POLR3A: variants seen among roughly 807,000 people sequenced by gnomAD.
POLR3A encodes RNA polymerase III subunit A.
In POLR3A, 112 loss-of-function variants were observed where a neutral mutation model predicts 152.8. That is an observed-to-expected ratio of 0.73 (90% CI 0.63 to 0.86). POLR3A has a LOEUF of 0.86. Among genes scored for constraint, POLR3A ranks in the 40% least tolerant of loss-of-function variants. The pLI, the probability that POLR3A is intolerant of heterozygous loss-of-function variation, is 0.00. For synonymous variants in POLR3A, 615 were observed against 652.1 expected (o/e 0.94, Z 0.87); for missense variants, 1,385 against 1,743.1 (o/e 0.79, Z 3.66).
chr10:77,977,241 C>T lies in POLR3A; in HGVS notation c.*237G>A. ...GGCCGTCTATAGATTAGGTTTCAAG[C>T]AAGCAAACAATAAAACCCTCAGCTC... On this transcript the variant is annotated 3_prime_UTR_variant, in exon 31 of 31. Transcript: ENST00000372371. 1 of 538,134 alleles carries T rather than the reference C, an allele frequency of 1.9e-6. No individual in the cohort carries two copies. Among genetic ancestry groups the T allele is most frequent in the Non-Finnish European group, 3.3e-6 (1 of 299,054 alleles). 33.3% of individuals were successfully genotyped at this position (538,134 alleles called of 1,614,324 possible).
rs765508123 is a variant in POLR3A, at chr10:78,002,220, G to T, written c.2336C>A (p.Thr779Asn). 6.3e-7 allele frequency: 1 copy of T among 1,594,942 alleles called. No homozygotes were observed. Among genetic ancestry groups the T allele is most frequent in the Admixed American group, 1.8e-5 (1 of 56,690 alleles). The change falls in exon 17 of 31, where the codon ACC (threonine) becomes AAC (asparagine). Residue 779 changes from threonine to asparagine, a missense_variant. By Grantham distance (65) the Thr-to-Asn change is moderately conservative. Transcript: ENST00000372371. ...RELDKSNSPLTMALCGSKGSF... is the reference protein window; with the variant it reads ...RELDKSNSPLNMALCGSKGSF... ...ACCTTTGGAGCCGCACAGAGCCATGGTGAGGGGGCTGTTGCTCTTGTCCAG... is the reference window on the plus strand; with the variant it reads ...ACCTTTGGAGCCGCACAGAGCCATGTTGAGGGGGCTGTTGCTCTTGTCCAG...
chr10:78,022,808 G>A (rs1847592784), intron 5 of POLR3A, among the ~76,000 whole-genome samples: 1 of 151,974 alleles, frequency 6.6e-6, no homozygotes, highest in African/African-American at 2.4e-5. Context: ...GCCATTGGGG[G>A]GAAAAAAAGA....
intron 29 of POLR3A, among the ~76,000 whole-genome samples, chr10:77,980,702 G>T (rs994228283): frequency 3.3e-5 from 5 of 152,142 alleles, no homozygotes; most frequent in Admixed American, 3.3e-4. Flanking sequence ...GAAACAAGAT[G>T]GAAAACATTT....
At chr10:77,980,949 G>GT (rs34957648) in intron 29 of POLR3A, among the ~76,000 whole-genome samples, 12 of 151,386 alleles carry the variant, frequency 7.9e-5, no homozygotes, top group African/African-American at 1.2e-4. Flanking sequence ...AGGGAAATAC[G>GT]TTTTTTTTGG....
Position 77,981,538 on chromosome 10 carries a change from C to A in POLR3A, c.3781G>T (p.Glu1261Ter), listed in dbSNP as rs371703979. 1.2e-6 allele frequency: 2 copies of A among 1,613,864 alleles called. No homozygotes were observed. Among genetic ancestry groups the A allele is most frequent in the Admixed American group, 3.3e-5 (2 of 59,986 alleles). ...TYEVEKTLGI[E>*]AARTTIINEI... ...TTGATGATCGTTGTCCGGGCGGCCT[C>A]GATGCCCAGAGTTTTCTCCACCTAC... The change falls in exon 29 of 31, where the codon GAG becomes TAG. Residue 1261 changes from glutamate to a stop codon, truncating the protein, a stop_gained. Coordinates refer to ENST00000372371, the MANE Select transcript of POLR3A (RefSeq NM_007055.4). LOFTEE classifies it high-confidence loss of function.
chr10:78,022,086 GA>G, intron 6 of POLR3A, 58 bp downstream of exon 6: 1 of 1,614,010 alleles, frequency 6.2e-7, no homozygotes, highest in Non-Finnish European at 8.5e-7. Flanking sequence ...ACATTTTCTT[GA>G]CCAGAAGTTT....
intron 15 of POLR3A, among the ~76,000 whole-genome samples, chr10:78,006,848 G>C (rs1847416485): frequency 6.6e-6 from 1 of 152,170 alleles, no homozygotes; most frequent in Non-Finnish European, 1.5e-5. Flanking sequence ...GCCAGGCATG[G>C]TAGCTAATGC....
At chr10:78,015,647 T>A (rs1035489618) in intron 10 of POLR3A, among the ~76,000 whole-genome samples, 1 of 151,928 alleles carries the variant, frequency 6.6e-6, no homozygotes, top group African/African-American at 2.4e-5. Flanking sequence ...ACAAAAAAAA[T>A]TTCTACTTCT....
Position 78,024,622 on chromosome 10 carries a change from G to C in POLR3A, c.572C>G (p.Ser191Ter). The change falls in exon 5 of 31, where the codon TCA (serine) becomes TGA (stop). Residue 191 changes from serine (S) to a stop codon, truncating the protein, a stop_gained. Transcript: ENST00000372371. LOFTEE classifies it high-confidence loss of function. ...TNKKVVDPIV[S>*]NFLQSFETAI... ...TGTTTCAAAAGACTGAAGGAAATTT[G>C]ATACAATGGGATCCACCACTTTTTT... is the stretch of plus-strand genomic sequence containing the variant. 1 of 1,613,746 alleles carries C rather than the reference G, an allele frequency of 6.2e-7. No individual in the cohort carries two copies. Among genetic ancestry groups the C allele is most frequent in the Non-Finnish European group, 8.5e-7 (1 of 1,179,692 alleles).
intron 1 of POLR3A, 51 bp downstream of exon 1, chr10:78,029,313 G>C (rs1418696464): frequency 1.3e-6 from 2 of 1,593,584 alleles, no homozygotes; most frequent in Admixed American, 1.7e-5. Flanking sequence ...CGCTGACCTC[G>C]GACCCCTTGC....
intron 15 of POLR3A, among the ~76,000 whole-genome samples, chr10:78,005,733 G>A (rs564876599): frequency 6.6e-6 from 1 of 152,366 alleles, no homozygotes; most frequent in Non-Finnish European, 1.5e-5. Flanking sequence ...CCTTATTCCT[G>A]TAGGAGATGG....
chr10:78,011,047 T>G (rs193033426), intron 11 of POLR3A, among the ~76,000 whole-genome samples: 120 of 152,182 alleles, frequency 7.9e-4, no homozygotes, highest in Middle Eastern at 6.8e-3. Context: ...GGGGTCTTAC[T>G]TTGTTGCCCA....
chr10:77,980,053 GT>G (rs1417967465), intron 30 of POLR3A, 87 bp downstream of exon 30: 7 of 1,277,310 alleles, frequency 5.5e-6, no homozygotes, highest in South Asian at 3.6e-5. Flanking sequence ...CTGCCACTCA[GT>G]TTTTTTCATT....
intron 19 of POLR3A, among the ~76,000 whole-genome samples, chr10:77,998,722 C>G (rs1847326712): frequency 6.6e-6 from 1 of 152,208 alleles, no homozygotes; most frequent in African/African-American, 2.4e-5. Context: ...ACTAGTTCAA[C>G]CATTGTGGAA....
chr10:78,025,976 T>C (rs1366582637), intron 2 of POLR3A, 118 bp downstream of exon 2: 8 of 1,329,342 alleles, frequency 6.0e-6, no homozygotes, highest in Middle Eastern at 5.1e-4. Context: ...CCTAGTCTAA[T>C]ATGTGCAGGG....
intron 15 of POLR3A, 34 bp from the exon 16 acceptor site, chr10:78,004,922 T>C (rs1340683650): frequency 6.3e-7 from 1 of 1,582,868 alleles, no homozygotes; most frequent in African/African-American, 1.3e-5. Flanking sequence ...GAAAGGGCCA[T>C]AAATGAGACT....
Position 77,981,473 on chromosome 10 carries a change from G to A in POLR3A, c.3846C>T (p.Ile1282=), listed in dbSNP as rs116197727. Residue 1282 remains isoleucine, a synonymous_variant, in exon 29 of 31, where the codon ATC becomes ATT. Transcript: ENST00000372371. ...AGAGCAGCATCACGTGCCTCCTGTCGATGCTCATGCCGTGGTTCACCATGG... is the reference window on the plus strand; with the variant it reads ...AGAGCAGCATCACGTGCCTCCTGTCAATGCTCATGCCGTGGTTCACCATGG... ...QYTMVNHGMS[I]DRRHVMLLSD... is the part of the protein sequence containing the mutation. 7.8e-4 allele frequency: 1,262 copies of A among 1,614,024 alleles called. 5 individuals are homozygous for A. In the African/African-American group the frequency reaches 0.015, roughly 19 times the overall value.
At chr10:78,018,720 C>G (rs1847549167) in intron 9 of POLR3A, among the ~76,000 whole-genome samples, 1 of 151,992 alleles carries the variant, frequency 6.6e-6, no homozygotes, top group Admixed American at 6.6e-5. Flanking sequence ...GTAGCTGGGA[C>G]TACATACGTG....
chr10:77,980,361 A>G, intron 29 of POLR3A, 88 bp from the exon 30 acceptor site: 1 of 1,298,310 alleles, frequency 7.7e-7, no homozygotes, highest in African/African-American at 1.5e-5. Flanking sequence ...AATACAATCA[A>G]CAAAAATCCT....
Sources: gnomAD v4.1 joint callset for allele counts (sites outside exome capture counted in the v4.1 genomes callset) on GRCh38, gnomAD v4.1.1 for gene constraint, MANE v1.5 for transcripts, NCBI Gene and HGNC (gene_info 2026-07-23, HGNC 2026-07-21) for gene names.